ZCCHC10: variants seen among roughly 807,000 people sequenced by gnomAD.
The protein encoded by ZCCHC10 is zinc finger CCHC domain-containing protein 10.
In ZCCHC10, 16 loss-of-function variants were observed where a neutral mutation model predicts 19.5. That is an observed-to-expected ratio of 0.82 (90% CI 0.56 to 1.25). ZCCHC10 has a LOEUF of 1.25. ZCCHC10 is among the 50% of genes most tolerant of loss of function. The pLI is 0.00. For synonymous variants in ZCCHC10, 67 were observed against 72.5 expected, an observed-to-expected ratio of 0.92 and a Z score of 0.38; for missense variants, 197 against 201.0, an observed-to-expected ratio of 0.98 and a Z score of 0.12.
chr5:133,017,837 C>T (rs1442338725), intron 2 of ZCCHC10, among the ~76,000 whole-genome samples: 3 of 152,126 alleles, frequency 2.0e-5, no homozygotes, highest in Admixed American at 6.6e-5. Flanking sequence ...AACGATTGAA[C>T]GATTCTATAC....
intron 1 of ZCCHC10, 117 bp downstream of exon 1, chr5:133,026,380 G>C: frequency 2.1e-6 from 3 of 1,415,486 alleles, no homozygotes; most frequent in Non-Finnish European, 2.0e-6. Context: ...GGAGCCAGAA[G>C]AGTGTTTGAG....
chr5:133,017,000 T>G (rs1204058966), intron 2 of ZCCHC10, among the ~76,000 whole-genome samples: 3 of 151,892 alleles, frequency 2.0e-5, no homozygotes, highest in Admixed American at 2.0e-4. Context: ...TTATACCTAC[T>G]CACATACCCT....
At chr5:132,999,218 C>T (rs1762614408) in intron 4 of ZCCHC10, among the ~76,000 whole-genome samples, 1 of 152,152 alleles carries the variant, frequency 6.6e-6, no homozygotes, top group South Asian at 2.1e-4. Context: ...CCACCGCGCC[C>T]AGCCAAAAGC....
chr5:133,008,514 G>C (rs1025078589), intron 2 of ZCCHC10, among the ~76,000 whole-genome samples: 2 of 140,088 alleles, frequency 1.4e-5, no homozygotes, highest in Non-Finnish European at 3.0e-5. Flanking sequence ...CTCCAGCCTG[G>C]GCAACAGGGT....
intron 2 of ZCCHC10, among the ~76,000 whole-genome samples, chr5:133,017,154 TC>T (rs201120064): frequency 0.025 from 3,744 of 152,136 alleles, 95 homozygotes; most frequent in Non-Finnish European, 0.033. Flanking sequence ...GCATTGGACT[TC>T]CCCACTACTG....
Position 133,005,657 on chromosome 5 carries a change from CACT to C in ZCCHC10, c.269+1099_269+1101del, listed in dbSNP as rs200238440. Among the ~76,000 whole-genome samples, 1,035 of 130,654 alleles carry C rather than the reference CACT, an allele frequency of 7.9e-3. 12 individuals are homozygous for C. The highest frequency in any genetic ancestry group is 0.033 in the African/African-American group (941 of 28,278). The allele number at this position is 130,654 out of a possible 152,430, so 85.7% of individuals were successfully genotyped here. On this transcript the variant is annotated intron_variant, in intron 3 of 4. Coordinates refer to ENST00000509437, the MANE Select transcript of ZCCHC10 (RefSeq NM_001300816.3). Reference sequence around the variant, plus strand: ...CCATTCACTTTCTCAGCACAAACACCACTATTCTGCCATCTAGGTTTTTATACG... The same window carrying C: ...CCATTCACTTTCTCAGCACAAACACCATTCTGCCATCTAGGTTTTTATACG...
At chr5:133,000,198 G>T in intron 3 of ZCCHC10, 25 bp from the exon 4 acceptor site, 1 of 1,613,240 alleles carries the variant, frequency 6.2e-7, no homozygotes, top group Non-Finnish European at 8.5e-7. Context: ...GGGGAAAAAA[G>T]CTCCTGTTAA....
chr5:133,020,221 C>T (rs1161860595), intron 2 of ZCCHC10, among the ~76,000 whole-genome samples: 4 of 151,818 alleles, frequency 2.6e-5, no homozygotes, highest in Non-Finnish European at 4.4e-5. Flanking sequence ...TATCCCAGCA[C>T]TTTGGAAGGC....
At chr5:133,024,628 G>A (rs755858160) in intron 1 of ZCCHC10, among the ~76,000 whole-genome samples, 20 of 152,196 alleles carry the variant, frequency 1.3e-4, no homozygotes, top group Non-Finnish European at 2.6e-4. Context: ...AATGGTGGGC[G>A]CAGTGGCTCA....
intron 4 of ZCCHC10, among the ~76,000 whole-genome samples, chr5:132,999,239 G>T (rs1762616345): frequency 6.6e-6 from 1 of 152,206 alleles, no homozygotes; most frequent in East Asian, 1.9e-4. Context: ...GATTTCATAT[G>T]ATTCCATATA....
chr5:133,026,010 G>C (rs1296471928), intron 1 of ZCCHC10, among the ~76,000 whole-genome samples: 1 of 152,186 alleles, frequency 6.6e-6, no homozygotes, highest in Non-Finnish European at 1.5e-5. Context: ...GTAGCAAAAG[G>C]TGGTAAGATA....
At chr5:133,006,692 T>C in intron 3 of ZCCHC10, 67 bp downstream of exon 3, 3 of 1,431,540 alleles carry the variant, frequency 2.1e-6, no homozygotes, top group Middle Eastern at 2.6e-4. Context: ...ATGAAACGTT[T>C]GGTCCTTTAA....
rs201683937 is a variant in ZCCHC10, at chr5:133,006,756, T to C, written c.269+3A>G. On this transcript the variant is annotated splice_donor_region_variant and intron_variant, in intron 3 of 4. Transcript: ENST00000509437. Reference sequence around the variant, plus strand: ...TTCCTTTGGATACCACATGTAAACCTACCTTTGTTGCAATAATAATCTGTT... The same window carrying C: ...TTCCTTTGGATACCACATGTAAACCCACCTTTGTTGCAATAATAATCTGTT... 6.4e-4 allele frequency: 1,031 copies of C among 1,599,648 alleles called. 1 individual carries two copies. The highest frequency in any genetic ancestry group is 8.4e-4 in the Non-Finnish European group (991 of 1,175,906).
chr5:133,003,182 T>C (rs1369754622), intron 3 of ZCCHC10: 4 of 355,208 alleles, frequency 1.1e-5, no homozygotes, highest in African/African-American at 2.1e-5. Context: ...TTTGTATTTA[T>C]TGGAACTGGA....
intron 3 of ZCCHC10, among the ~76,000 whole-genome samples, chr5:133,004,363 G>A (rs10052368): frequency 0.31 from 47,130 of 151,732 alleles, 8,212 homozygotes; most frequent in African/African-American, 0.48. Flanking sequence ...TAGTAGAGAC[G>A]GGGTTTCTCC....
In ZCCHC10 at chr5:133,014,154, CTTTTTTTTTTTTT is replaced by C. The variant is rs767551153; in HGVS notation, c.108-7247_108-7235del. Among the ~76,000 whole-genome samples, 4 of 113,078 alleles carry C rather than the reference CTTTTTTTTTTTTT, an allele frequency of 3.5e-5. No individual in the cohort carries two copies. In the Admixed American group the frequency reaches 3.8e-4, roughly 11 times the overall value. The allele number at this position is 113,078 out of a possible 152,430, so 74.2% of individuals were successfully genotyped here. A position where few individuals can be genotyped will look rare whatever the true frequency, so the allele number is the denominator to read the frequency against. On this transcript the variant is annotated intron_variant, in intron 2 of 4. Transcript: ENST00000509437. ...TGTTGATACATTCCTACTATTTACT[CTTTTTTTTTTTTT>C]TTTTTTTTTGAGACGGAGTTTTGCT...
intron 2 of ZCCHC10, among the ~76,000 whole-genome samples, chr5:133,016,217 T>C (rs1318327040): frequency 6.9e-6 from 1 of 145,848 alleles, no homozygotes; most frequent in Non-Finnish European, 1.5e-5. Flanking sequence ...ACACACGTGC[T>C]TGCTGTTACT....
intron 3 of ZCCHC10, 68 bp downstream of exon 3, chr5:133,006,691 T>C (rs952943922): frequency 2.8e-6 from 4 of 1,424,358 alleles, no homozygotes; most frequent in African/African-American, 1.4e-5. Context: ...CATGAAACGT[T>C]TGGTCCTTTA....
At chr5:133,019,812 C>T (rs1345482483) in intron 2 of ZCCHC10, among the ~76,000 whole-genome samples, 4 of 151,372 alleles carry the variant, frequency 2.6e-5, no homozygotes, top group South Asian at 2.1e-4. Context: ...AAATTAGCTG[C>T]GTGGGGTGGT....
Sources: allele counts gnomAD v4.1 joint callset (sites outside exome capture counted in the v4.1 genomes callset), GRCh38; gene constraint gnomAD v4.1.1; transcripts MANE v1.5; gene names NCBI Gene and HGNC (gene_info 2026-07-23, HGNC 2026-07-21).